The following RBFOX1 variants were observed in gnomAD, a reference collection of about 807,000 sequenced individuals.
RBFOX1 encodes the protein RNA binding fox-1 homolog 1, also known as RNA binding protein fox-1 homolog 1.
Under a neutral mutation model 57.7 loss-of-function variants are expected in RBFOX1, and 8 were observed. The observed-to-expected ratio is 0.14, with a 90% confidence interval of 0.08 to 0.25. The LOEUF (loss-of-function observed/expected upper bound fraction) is 0.25. Ranked by LOEUF, RBFOX1 falls within the 10% of genes least tolerant of loss-of-function variation. The probability of loss-of-function intolerance (pLI) is 1.00; values close to 1 mark genes in which losing one functional copy is unlikely to be tolerated. For missense variants in RBFOX1, 611 were observed against 548.5 expected (o/e 1.11, Z -1.14); for synonymous variants, 326 against 222.4 (o/e 1.47, Z -4.15).
intron 4 of RBFOX1, among the ~76,000 whole-genome samples, chr16:7,185,651 T>G (rs1049853762): frequency 2.0e-5 from 3 of 152,184 alleles, no homozygotes; most frequent in South Asian, 4.1e-4. Flanking sequence ...TAAATCAATT[T>G]AGTTTGCGGA....
intron 4 of RBFOX1, among the ~76,000 whole-genome samples, chr16:7,216,207 C>G (rs1233656031): frequency 1.3e-5 from 2 of 152,154 alleles, no homozygotes; most frequent in African/African-American, 2.4e-5. Flanking sequence ...GTTGTTTCCA[C>G]TTATTGGCTA....
In RBFOX1 at chr16:6,686,010, A is replaced by C. The variant is rs114015291; in HGVS notation, c.-16+31360A>C. 8.1e-3 allele frequency among the ~76,000 whole-genome samples: 1,239 copies of C among 152,308 alleles called. 15 individuals are homozygous for C. The highest frequency in any genetic ancestry group is 0.028 in the African/African-American group (1,159 of 41,562). On this transcript the variant is annotated intron_variant, in intron 3 of 15. Coordinates refer to ENST00000550418, the MANE Select transcript of RBFOX1 (RefSeq NM_018723.4). ...GTCTAGCTTTTGCAAGACAGAAAAA[A>C]TACTGCATATTGACAAAAATGTTAT... is the stretch of plus-strand genomic sequence containing the variant.
chr16:6,336,238 G>A (rs1253956314), intron 2 of RBFOX1, among the ~76,000 whole-genome samples: 1 of 109,324 alleles, frequency 9.1e-6, no homozygotes, highest in African/African-American at 3.4e-5. Context: ...TCGCTCTGTC[G>A]CCCAGGCTGG....
At chr16:6,769,958 C>A (rs578212449) in intron 3 of RBFOX1, among the ~76,000 whole-genome samples, 1 of 152,090 alleles carries the variant, frequency 6.6e-6, no homozygotes. Flanking sequence ...ATCTATGTGC[C>A]TTATGCCTGC....
At chr16:6,733,418 C>T (rs897768257) in intron 3 of RBFOX1, among the ~76,000 whole-genome samples, 4 of 152,206 alleles carry the variant, frequency 2.6e-5, no homozygotes, top group Non-Finnish European at 5.9e-5. Flanking sequence ...GCTGAACCCA[C>T]TCAGTCCTAC....
chr16:6,321,370 C>T (rs914587279), intron 2 of RBFOX1, among the ~76,000 whole-genome samples: 3 of 152,124 alleles, frequency 2.0e-5, no homozygotes, highest in Admixed American at 2.0e-4. Context: ...TGTACCTAGG[C>T]TGATACTTAG....
chr16:7,589,088 C>A (rs946038953), intron 7 of RBFOX1, among the ~76,000 whole-genome samples: 1 of 152,154 alleles, frequency 6.6e-6, no homozygotes. Context: ...ACCTGCAAAG[C>A]AAAGTGCATT....
At chr16:6,874,365 C>T (rs989451256) in intron 3 of RBFOX1, among the ~76,000 whole-genome samples, 4 of 151,892 alleles carry the variant, frequency 2.6e-5, no homozygotes, top group African/African-American at 9.7e-5. Context: ...ACAAAATTAG[C>T]CAGGCATATT....
chr16:5,266,421 A>C (rs536717174), intron 1 of RBFOX1, among the ~76,000 whole-genome samples: 334 of 152,312 alleles, frequency 2.2e-3, no homozygotes, highest in African/African-American at 7.6e-3. Flanking sequence ...GGACAATGTC[A>C]GGTGAAATAG....
rs148715687 is a variant in RBFOX1 at position 7,002,433 on chromosome 16, C to T, written c.-15-49624C>T. On this transcript the variant is annotated intron_variant, in intron 3 of 15. Coordinates refer to ENST00000550418, the MANE Select transcript of RBFOX1 (RefSeq NM_018723.4). Reference sequence around the variant, plus strand: ...TAAAAAAGATCTTTTCAACTATTTTCGCTGGGCGCGATGGCTCATGTCTGT... The same window carrying T: ...TAAAAAAGATCTTTTCAACTATTTTTGCTGGGCGCGATGGCTCATGTCTGT... Among the ~76,000 whole-genome samples, 353 of 152,190 alleles carry T rather than the reference C, an allele frequency of 2.3e-3. 4 individuals carry two copies. The highest frequency in any genetic ancestry group is 4.1e-3 in the Non-Finnish European group (279 of 68,012).
intron 2 of RBFOX1, among the ~76,000 whole-genome samples, chr16:5,490,885 G>A (rs1427089367): frequency 6.6e-6 from 1 of 152,162 alleles, no homozygotes; most frequent in Admixed American, 6.5e-5. Context: ...GATACGTCCT[G>A]GGAGGTGCGT....
intron 6 of RBFOX1, among the ~76,000 whole-genome samples, chr16:7,586,518 G>A (rs1259497213): frequency 6.6e-6 from 1 of 152,144 alleles, no homozygotes. Context: ...TGTCCCAAAT[G>A]TTGTGTGTGA....
intron 4 of RBFOX1, among the ~76,000 whole-genome samples, chr16:7,074,397 A>T (rs1356631686): frequency 6.6e-6 from 1 of 152,224 alleles, no homozygotes; most frequent in African/African-American, 2.4e-5. Flanking sequence ...AAATAATGGC[A>T]AAAGCTGCAA....
At chr16:5,706,174 G>T (rs1235530302) in intron 3 of RBFOX1, among the ~76,000 whole-genome samples, 1 of 152,238 alleles carries the variant, frequency 6.6e-6, no homozygotes, top group Non-Finnish European at 1.5e-5. Context: ...GCCTCCCAAA[G>T]TGCTGGGATT....
At chr16:5,479,480 C>T (rs969779613) in intron 2 of RBFOX1, among the ~76,000 whole-genome samples, 1 of 152,162 alleles carries the variant, frequency 6.6e-6, no homozygotes, top group Non-Finnish European at 1.5e-5. Flanking sequence ...TCTCCCCGGC[C>T]AGGCATGGTG....
intron 2 of RBFOX1, among the ~76,000 whole-genome samples, chr16:5,498,300 G>A (rs919957778): frequency 1.9e-4 from 29 of 152,118 alleles, no homozygotes; most frequent in African/African-American, 5.8e-4. Context: ...GCACTACCAC[G>A]CCCAGCTAAT....
chr16:5,717,044 C>T (rs1465691393), intron 3 of RBFOX1, among the ~76,000 whole-genome samples: 2 of 152,136 alleles, frequency 1.3e-5, no homozygotes, highest in African/African-American at 4.8e-5. Context: ...GTGATTTCCC[C>T]TGTATTTTCC....
intron 2 of RBFOX1, among the ~76,000 whole-genome samples, chr16:6,520,711 C>T (rs1461883860): frequency 1.3e-5 from 2 of 152,134 alleles, no homozygotes; most frequent in Non-Finnish European, 2.9e-5. Context: ...TAGTTTGATC[C>T]AGACACCCTT....
At chr16:6,026,917 G>A (rs1361011585) in intron 1 of RBFOX1, among the ~76,000 whole-genome samples, 2 of 152,210 alleles carry the variant, frequency 1.3e-5, no homozygotes, top group African/African-American at 2.4e-5. Flanking sequence ...TCAAAATGTG[G>A]TGTGCAAACC....
Sources: allele counts gnomAD v4.1 joint callset (sites outside exome capture counted in the v4.1 genomes callset), GRCh38; gene constraint gnomAD v4.1.1; transcripts MANE v1.5; gene names NCBI Gene and HGNC (gene_info 2026-07-23, HGNC 2026-07-21).